ROBO1: variants seen among roughly 807,000 people sequenced by gnomAD.
ROBO1 encodes the protein roundabout guidance receptor 1.
In ROBO1, 149 loss-of-function variants were observed where a neutral mutation model predicts 195.9. That is an observed-to-expected ratio of 0.76 (90% confidence interval 0.67 to 0.87). The LOEUF is 0.87. Among genes scored for constraint, ROBO1 ranks in the 40% least tolerant of loss-of-function variants. ROBO1 has a pLI of 0.00. For synonymous variants in ROBO1, 816 were observed against 733.2 expected (o/e 1.11, Z -1.82); for missense variants, 1,933 against 2,068.3 (o/e 0.93, Z 1.27).
chr3:79,590,285 T>C (rs1206717425), intron 1 of ROBO1, among the ~76,000 whole-genome samples: 1 of 151,778 alleles, frequency 6.6e-6, no homozygotes, highest in East Asian at 1.9e-4. Context: ...TGGAACACTC[T>C]CATCACATTT....
At chr3:79,354,665 C>A (rs754478069) in intron 2 of ROBO1, among the ~76,000 whole-genome samples, 12 of 152,124 alleles carry the variant, frequency 7.9e-5, no homozygotes, top group Admixed American at 2.0e-4. Context: ...TTGAACTCTG[C>A]CTCTTATTTC....
chr3:79,591,122 T>C (rs1943987414), intron 1 of ROBO1, among the ~76,000 whole-genome samples: 1 of 151,870 alleles, frequency 6.6e-6, no homozygotes, highest in Non-Finnish European at 1.5e-5. Flanking sequence ...AAAGACTTAA[T>C]CTTTTAACAA....
intron 2 of ROBO1, among the ~76,000 whole-genome samples, chr3:79,369,804 CT>C (rs1051347460): frequency 3.3e-5 from 5 of 151,944 alleles, no homozygotes; most frequent in Admixed American, 3.3e-4. Context: ...ACTTACTGGC[CT>C]TAAGTACGTT....
chr3:79,249,521 A>G (rs1249577554), intron 2 of ROBO1, among the ~76,000 whole-genome samples: 4 of 152,174 alleles, frequency 2.6e-5, no homozygotes, highest in Non-Finnish European at 4.4e-5. Flanking sequence ...GAGATTGTTA[A>G]GGACTTCAGT....
At chr3:79,221,246 T>C (rs2082132621) in intron 2 of ROBO1, among the ~76,000 whole-genome samples, 1 of 152,090 alleles carries the variant, frequency 6.6e-6, no homozygotes, top group Admixed American at 6.6e-5. Context: ...TGGCTTCAAC[T>C]ACATTATATA....
chr3:79,416,169 G>A (rs969193693), intron 2 of ROBO1, among the ~76,000 whole-genome samples: 3 of 151,908 alleles, frequency 2.0e-5, no homozygotes, highest in African/African-American at 4.8e-5. Flanking sequence ...ATAGAACCAC[G>A]ATGGCTACAA....
intron 2 of ROBO1, among the ~76,000 whole-genome samples, chr3:79,291,088 C>T (rs78067587): frequency 0.013 from 1,960 of 152,250 alleles, 22 homozygotes; most frequent in Non-Finnish European, 0.021. Flanking sequence ...TTAATGTCCT[C>T]AATATATCGG....
intron 3 of ROBO1, among the ~76,000 whole-genome samples, chr3:78,971,486 T>TA (rs1324269315): frequency 1.3e-5 from 2 of 152,134 alleles, no homozygotes; most frequent in South Asian, 2.1e-4. Flanking sequence ...GACTATAACC[T>TA]AAAAAAATGA....
chr3:78,845,387 T>C (rs1223124640), intron 4 of ROBO1, among the ~76,000 whole-genome samples: 1 of 152,090 alleles, frequency 6.6e-6, no homozygotes, highest in African/African-American at 2.4e-5. Flanking sequence ...TTGTACCTTT[T>C]TCCTTTTCCT....
At chr3:79,628,566 C>A (rs1286975093) in intron 1 of ROBO1, among the ~76,000 whole-genome samples, 3 of 152,060 alleles carry the variant, frequency 2.0e-5, no homozygotes, top group Non-Finnish European at 2.9e-5. Context: ...ACCTATGTAA[C>A]AAACCTGTAC....
intron 4 of ROBO1, among the ~76,000 whole-genome samples, chr3:78,922,312 G>T (rs977686794): frequency 1.3e-5 from 2 of 151,830 alleles, no homozygotes; most frequent in Non-Finnish European, 2.9e-5. Flanking sequence ...CTGGAAACAG[G>T]CTTCATTTCT....
intron 19 of ROBO1, among the ~76,000 whole-genome samples, chr3:78,650,489 C>T (rs76265291): frequency 0.018 from 2,757 of 152,236 alleles, 77 homozygotes; most frequent in African/African-American, 0.063. Flanking sequence ...CCCCTTGTGA[C>T]GGACAACACA....
At chr3:79,003,147 A>G (rs1418048074) in intron 3 of ROBO1, among the ~76,000 whole-genome samples, 10 of 152,174 alleles carry the variant, frequency 6.6e-5, no homozygotes, top group Admixed American at 6.6e-4. Flanking sequence ...CAGCATAAAC[A>G]TTATTATATT....
chr3:78,907,857 T>A (rs2038015247), intron 4 of ROBO1, among the ~76,000 whole-genome samples: 1 of 151,910 alleles, frequency 6.6e-6, no homozygotes, highest in East Asian at 1.9e-4. Flanking sequence ...TATTTTTAAA[T>A]CTTAATATGA....
chr3:79,187,824 C>T (rs1490447749), intron 2 of ROBO1, among the ~76,000 whole-genome samples: 1 of 151,948 alleles, frequency 6.6e-6, no homozygotes, highest in African/African-American at 2.4e-5. Context: ...TCCTAATACA[C>T]CATATTCAAC....
intron 2 of ROBO1, among the ~76,000 whole-genome samples, chr3:79,170,543 AATT>A (rs1281042480): frequency 6.6e-6 from 1 of 152,106 alleles, no homozygotes; most frequent in Non-Finnish European, 1.5e-5. Flanking sequence ...CTAAATTTAA[AATT>A]ATTATCTTCT....
chr3:79,624,145 G>C (rs369115155), intron 1 of ROBO1, among the ~76,000 whole-genome samples: 4 of 152,158 alleles, frequency 2.6e-5, no homozygotes, highest in African/African-American at 9.6e-5. Context: ...ACAAGCAAAT[G>C]CTGAGGGATT....
chr3:78,854,311 AT>A (rs202157329), intron 4 of ROBO1, among the ~76,000 whole-genome samples: 6,753 of 147,846 alleles, frequency 0.046, 297 homozygotes, highest in African/African-American at 0.12. Context: ...TATAAATATA[AT>A]TTTTATTAGT....
chr3:78,646,007 C>A, intron 21 of ROBO1, 141 bp downstream of exon 21: 1 of 709,700 alleles, frequency 1.4e-6, no homozygotes, highest in Non-Finnish European at 2.4e-6. Context: ...AACAGCATAG[C>A]TGAATGGAGT....
Sources: gnomAD v4.1 joint callset for allele counts (sites outside exome capture counted in the v4.1 genomes callset) on GRCh38, gnomAD v4.1.1 for gene constraint, MANE v1.5 for transcripts, NCBI Gene and HGNC (gene_info 2026-07-23, HGNC 2026-07-21) for gene names.